The following TCF4 variants were observed in gnomAD, a reference collection of about 807,000 sequenced individuals.
TCF4 encodes SL3-3 enhancer factor 2.
Under a neutral mutation model 82.1 loss-of-function variants are expected in TCF4, and 3 were observed. The observed-to-expected ratio is 0.04, with a 90% CI of 0.02 to 0.09. The LOEUF is 0.09. Ranked by LOEUF, TCF4 falls within the 10% of genes least tolerant of loss-of-function variation. The pLI is 1.00. For synonymous variants in TCF4, 276 were observed against 309.6 expected (o/e 0.89, Z 1.14); for missense variants, 518 against 852.7 (o/e 0.61, Z 4.89).
chr18:55,528,371 C>G (rs2097016675), intron 3 of TCF4, among the ~76,000 whole-genome samples: 1 of 152,134 alleles, frequency 6.6e-6, no homozygotes, highest in Non-Finnish European at 1.5e-5. Flanking sequence ...TCACCATAAT[C>G]CAAACCATTA....
chr18:55,554,060 A>G (rs1157123343), intron 3 of TCF4, among the ~76,000 whole-genome samples: 1 of 152,180 alleles, frequency 6.6e-6, no homozygotes, highest in African/African-American at 2.4e-5. Context: ...AAAGTCACTC[A>G]TAATTTTTTT....
At chr18:55,468,018 T>A (rs2096069175) in intron 3 of TCF4, among the ~76,000 whole-genome samples, 1 of 152,136 alleles carries the variant, frequency 6.6e-6, no homozygotes, top group African/African-American at 2.4e-5. Context: ...CTGTAAAGAC[T>A]CCCCAGTAAG....
At chr18:55,596,002 G>A (rs2097690512) in intron 2 of TCF4, 1 of 333,960 alleles carries the variant, frequency 3.0e-6, no homozygotes, top group Non-Finnish European at 6.0e-6. Context: ...AGAGACCGAG[G>A]TGGGTGGATC....
At chr18:55,301,247 G>T (rs989068770) in intron 8 of TCF4, among the ~76,000 whole-genome samples, 5 of 152,202 alleles carry the variant, frequency 3.3e-5, no homozygotes, top group African/African-American at 7.2e-5. Flanking sequence ...TGAGCTGGGG[G>T]TTCTGCCAAT....
chr18:55,416,620 T>A (rs1363400122), intron 5 of TCF4, among the ~76,000 whole-genome samples: 3 of 152,214 alleles, frequency 2.0e-5, no homozygotes, highest in Admixed American at 6.5e-5. Flanking sequence ...TTATAGAATC[T>A]AAAAACCAGG....
chr18:55,456,098 C>T (rs2095747419), intron 5 of TCF4, among the ~76,000 whole-genome samples: 2 of 152,214 alleles, frequency 1.3e-5, no homozygotes, highest in Non-Finnish European at 2.9e-5. Flanking sequence ...GTAATACAAA[C>T]CTAAATATTC....
chr18:55,473,121 A>T (rs1008377336), intron 3 of TCF4, among the ~76,000 whole-genome samples: 1 of 152,206 alleles, frequency 6.6e-6, no homozygotes. Context: ...CCTATTTGGT[A>T]AATAATTTAT....
chr18:55,596,643 T>C (rs1307693250), intron 2 of TCF4, among the ~76,000 whole-genome samples: 1 of 152,204 alleles, frequency 6.6e-6, no homozygotes, highest in African/African-American at 2.4e-5. Flanking sequence ...CAGATGTGCC[T>C]GAGAAGAACA....
chr18:55,589,377 T>C, upstream of TCF4: 5 of 1,054,060 alleles, frequency 4.7e-6, no homozygotes, highest in Non-Finnish European at 5.7e-6. Flanking sequence ...TGCAAGTACT[T>C]AGTATCTCAC....
At chr18:55,350,794 G>C in intron 7 of TCF4, 80 bp downstream of exon 7, 4 of 1,588,874 alleles carry the variant, frequency 2.5e-6, no homozygotes, top group Non-Finnish European at 3.4e-6. Flanking sequence ...TAGGATGGGG[G>C]GGCGATATTT....
chr18:55,243,493 A>G (rs2052011283), intron 15 of TCF4, among the ~76,000 whole-genome samples: 1 of 152,194 alleles, frequency 6.6e-6, no homozygotes, highest in South Asian at 2.1e-4. Flanking sequence ...GCTCTGCTAT[A>G]AATAAGATCA....
At position 55,227,940 on chromosome 18, in the gene TCF4, G is replaced by C. The variant is rs2046816403; in HGVS notation, c.*95C>G. The C allele has an allele frequency of 5.2e-6, 2 of 381,726 alleles. No homozygotes were observed. The highest frequency in any genetic ancestry group is 4.9e-6 in the Non-Finnish European group (1 of 205,280). The allele number at this position is 381,726 out of a possible 1,614,324, so 23.6% of individuals were successfully genotyped here. On this transcript the variant is annotated 3_prime_UTR_variant, in exon 20 of 20. Coordinates refer to ENST00000354452, the MANE Select transcript of TCF4 (RefSeq NM_001083962.2). ...ACTTGTCTTATATTACAAAAATGGG[G>C]GTTAAGGAGAAGTGTTTATGTGGGT... is the stretch of plus-strand genomic sequence containing the variant.
At chr18:55,499,481 A>G (rs960689466) in intron 3 of TCF4, among the ~76,000 whole-genome samples, 14 of 152,218 alleles carry the variant, frequency 9.2e-5, no homozygotes, top group African/African-American at 3.4e-4. Flanking sequence ...CTAAAAGAAA[A>G]CTAGACTTTT....
At chr18:55,617,811 CTGTGTGTGTGTGTGTGTGTGTGTG>C (rs74182107) in intron 2 of TCF4, among the ~76,000 whole-genome samples, 2 of 140,610 alleles carry the variant, frequency 1.4e-5, no homozygotes, top group Admixed American at 7.2e-5. Flanking sequence ...TTAATTCTAA[CTGTGTGTGTGTGTGTGTGTGTGTG>C]TGTGTGTGTG....
At chr18:55,231,845 G>A (rs550654927) in intron 17 of TCF4, 6 of 152,324 alleles carry the variant, frequency 3.9e-5, no homozygotes, top group Admixed American at 6.5e-5. Context: ...TTGAATTTGT[G>A]AATAAAAACA....
At chr18:55,399,493 A>C (rs2093677499) in intron 6 of TCF4, among the ~76,000 whole-genome samples, 1 of 152,228 alleles carries the variant, frequency 6.6e-6, no homozygotes, top group Admixed American at 6.5e-5. Flanking sequence ...GGACTTCACT[A>C]GAGAAAACAA....
intron 3 of TCF4, among the ~76,000 whole-genome samples, chr18:55,579,110 A>G (rs1251688066): frequency 3.3e-5 from 5 of 150,620 alleles, no homozygotes; most frequent in African/African-American, 1.2e-4. Flanking sequence ...CCTATATATA[A>G]CTTATAACAA....
chr18:55,329,861 T>C (rs75429260), intron 8 of TCF4, among the ~76,000 whole-genome samples: 2,984 of 152,348 alleles, frequency 0.02, 53 homozygotes, highest in Non-Finnish European at 0.03. Context: ...GGCATGATTA[T>C]CAAATGCATT....
intron 2 of TCF4, among the ~76,000 whole-genome samples, chr18:55,629,641 G>A (rs2097729754): frequency 6.6e-6 from 1 of 152,198 alleles, no homozygotes; most frequent in Non-Finnish European, 1.5e-5. Context: ...TCTAACAGTT[G>A]GACAAGGTTG....
Sources: allele counts gnomAD v4.1 joint callset (sites outside exome capture counted in the v4.1 genomes callset), GRCh38; gene constraint gnomAD v4.1.1; transcripts MANE v1.5; gene names NCBI Gene and HGNC (gene_info 2026-07-23, HGNC 2026-07-21).